Variants in PROM1 observed in about 807,000 individuals in gnomAD.
PROM1 encodes prominin-1.
PROM1 carries 105 observed loss-of-function variants against 116.9 expected under a neutral mutation model. That is an observed-to-expected ratio of 0.90 (90% confidence interval 0.77 to 1.06). The LOEUF (loss-of-function observed/expected upper bound fraction) is 1.06. Ranked by LOEUF, PROM1 falls within the 50% of genes least tolerant of loss-of-function variation. The probability of loss-of-function intolerance (pLI) is 0.00; values close to 1 mark genes in which losing one functional copy is unlikely to be tolerated. For synonymous variants in PROM1, 393 were observed against 387.0 expected (o/e 1.02, Z -0.18); for missense variants, 1,122 against 1,045.2 (o/e 1.07, Z -1.01).
chr4:16,009,692 C>A (rs1726399792), intron 11 of PROM1, among the ~76,000 whole-genome samples: 1 of 152,070 alleles, frequency 6.6e-6, no homozygotes, highest in South Asian at 2.1e-4. Flanking sequence ...GTAATCCCAG[C>A]ACTTTGGGAG....
chr4:15,981,001 G>T (rs956582801), intron 23 of PROM1, among the ~76,000 whole-genome samples: 2 of 138,368 alleles, frequency 1.4e-5, no homozygotes, highest in African/African-American at 5.2e-5. Context: ...TCACTCTGTC[G>T]CCCAGGCTAG....
chr4:16,017,259 G>T (rs1307702987), intron 9 of PROM1, among the ~76,000 whole-genome samples: 1 of 152,146 alleles, frequency 6.6e-6, no homozygotes, highest in East Asian at 1.9e-4. Context: ...CGTGACCCTT[G>T]AAGAATGTGG....
At chr4:16,049,991 G>A (rs1208228255) in intron 2 of PROM1, among the ~76,000 whole-genome samples, 14 of 151,962 alleles carry the variant, frequency 9.2e-5, no homozygotes, top group African/African-American at 3.1e-4. Flanking sequence ...GGCAGGGCGC[G>A]GTGGCTCACA....
chr4:16,075,793 T>G lies in PROM1; in HGVS notation c.114A>C (p.Ala38=). ...APKAWNYELP[A]TNYETQDSHK... Reference sequence around the variant, plus strand: ...GGGAGTCTTGGGTCTCATAATTTGTTGCAGGCAATTCATAATTCCAAGCCT... The same window carrying G: ...GGGAGTCTTGGGTCTCATAATTTGTGGCAGGCAATTCATAATTCCAAGCCT... The change falls in exon 2 of 28, where the codon GCA becomes GCC. Residue 38 remains alanine, a synonymous_variant. Coordinates refer to ENST00000447510, the MANE Select transcript of PROM1 (RefSeq NM_006017.3). 1 of 1,613,846 alleles carries G rather than the reference T, an allele frequency of 6.2e-7. No individual in the cohort carries two copies. The highest frequency in any genetic ancestry group is 1.7e-5 in the Admixed American group (1 of 60,010).
intron 5 of PROM1, 86 bp downstream of exon 5, chr4:16,033,218 T>TTTAA (rs1181263275): frequency 8.1e-7 from 1 of 1,237,774 alleles, no homozygotes; most frequent in African/African-American, 1.5e-5. Context: ...TTTGTTTAGT[T>TTTAA]TTAAACTCAT....
At chr4:15,973,972 C>A (rs1032502589) in intron 26 of PROM1, among the ~76,000 whole-genome samples, 2 of 152,162 alleles carry the variant, frequency 1.3e-5, no homozygotes, top group African/African-American at 4.8e-5. Context: ...GGCTGCTGGA[C>A]CAACACTGGT....
chr4:16,018,695 G>A (rs2677783), intron 8 of PROM1, among the ~76,000 whole-genome samples, 155 bp from the exon 9 acceptor site: 18,169 of 152,174 alleles, frequency 0.12, 1,196 homozygotes, highest in African/African-American at 0.14. Flanking sequence ...GAATACAGGA[G>A]CATCGCTAGG....
intron 8 of PROM1, among the ~76,000 whole-genome samples, chr4:16,022,228 A>G (rs1578079104): frequency 6.6e-6 from 1 of 152,146 alleles, no homozygotes; most frequent in Non-Finnish European, 1.5e-5. Flanking sequence ...GCAGGAGGCA[A>G]TGGTCTCTGA....
At chr4:16,012,619 C>T (rs1727170718) in intron 11 of PROM1, among the ~76,000 whole-genome samples, 1 of 151,870 alleles carries the variant, frequency 6.6e-6, no homozygotes. Context: ...GCCTATAATC[C>T]CAGCACTTTG....
chr4:16,063,681 A>C (rs1437960249), intron 2 of PROM1, among the ~76,000 whole-genome samples: 1 of 151,906 alleles, frequency 6.6e-6, no homozygotes, highest in African/African-American at 2.4e-5. Flanking sequence ...TGATTCAAAC[A>C]AAAAAAACTT....
In PROM1 at chr4:15,992,128, T is replaced by C. The variant is rs1721208959; in HGVS notation, c.1911+120A>G. On this transcript the variant is annotated intron_variant, in intron 17 of 27. Coordinates refer to ENST00000447510, the MANE Select transcript of PROM1 (RefSeq NM_006017.3). ...TACTCAATGCCACCGAATTGCTCAC[T>C]TTAAAATAGTCTTACATCATGTGAA... is the stretch of plus-strand genomic sequence containing the variant. 3.0e-6 allele frequency: 4 copies of C among 1,345,238 alleles called. No individual in the cohort carries two copies. The East Asian group carries it at 9.2e-5, about 31-fold the overall frequency. 83.3% of individuals were successfully genotyped at this position (1,345,238 alleles called of 1,614,324 possible).
intron 2 of PROM1, chr4:16,055,109 G>A (rs1738708867): frequency 3.8e-6 from 1 of 265,432 alleles, no homozygotes; most frequent in African/African-American, 2.2e-5. Flanking sequence ...CTGTCCACCT[G>A]TAGCAATTGC....
At chr4:16,021,921 T>A (rs1730002242) in intron 8 of PROM1, among the ~76,000 whole-genome samples, 1 of 152,030 alleles carries the variant, frequency 6.6e-6, no homozygotes, top group African/African-American at 2.4e-5. Context: ...TTTAGGGAGG[T>A]AACTAACGTT....
At chr4:16,078,101 C>G (rs923600953) in intron 1 of PROM1, 2 of 152,200 alleles carry the variant, frequency 1.3e-5, no homozygotes, top group Non-Finnish European at 2.9e-5. Flanking sequence ...TCTTACCTAC[C>G]CCTTGGGAGA....
At chr4:16,041,107 C>T (rs922021048) in intron 2 of PROM1, among the ~76,000 whole-genome samples, 1 of 152,174 alleles carries the variant, frequency 6.6e-6, no homozygotes, top group African/African-American at 2.4e-5. Context: ...GAGGTCAAAA[C>T]ACAAGATGTT....
At chr4:16,032,106 T>C (rs536348532) in intron 5 of PROM1, among the ~76,000 whole-genome samples, 1 of 152,220 alleles carries the variant, frequency 6.6e-6, no homozygotes, top group South Asian at 2.1e-4. Context: ...ACATCCCATC[T>C]GCTCTATAAA....
chr4:15,985,515 A>G, intron 22 of PROM1: 1 of 470,634 alleles, frequency 2.1e-6, no homozygotes, highest in Non-Finnish European at 3.7e-6. Flanking sequence ...TGTTACCTGA[A>G]AAAGGGGGTG....
chr4:16,011,486 G>A (rs1007047552), intron 11 of PROM1, among the ~76,000 whole-genome samples: 6 of 152,206 alleles, frequency 3.9e-5, no homozygotes, highest in Non-Finnish European at 5.9e-5. Flanking sequence ...GCACTGGCCC[G>A]GCTCTAGGAA....
chr4:16,068,924 C>G (rs1281535249), intron 2 of PROM1, among the ~76,000 whole-genome samples: 1 of 152,154 alleles, frequency 6.6e-6, no homozygotes. Context: ...GGCCAACCAT[C>G]CTAAAATCTA....
Sources: gnomAD v4.1 joint callset for allele counts (sites outside exome capture counted in the v4.1 genomes callset) on GRCh38, gnomAD v4.1.1 for gene constraint, MANE v1.5 for transcripts, NCBI Gene and HGNC (gene_info 2026-07-23, HGNC 2026-07-21) for gene names.